AFF4: variants seen among roughly 807,000 people sequenced by gnomAD.
AFF4 encodes ALF transcription elongation factor 4.
In AFF4, 13 loss-of-function variants were observed where a neutral mutation model predicts 124.8. The observed-to-expected ratio is 0.10, with a 90% confidence interval of 0.07 to 0.17. The LOEUF (loss-of-function observed/expected upper bound fraction) is 0.17. Among genes scored for constraint, AFF4 ranks in the 10% least tolerant of loss-of-function variants. The pLI, the probability that AFF4 is intolerant of heterozygous loss-of-function variation, is 1.00. For synonymous variants in AFF4, 477 were observed against 496.1 expected, an observed-to-expected ratio of 0.96 and a Z score of 0.51; for missense variants, 1,092 against 1,403.8, an observed-to-expected ratio of 0.78 and a Z score of 3.55.
At chr5:132,903,634 C>T (rs1471926969) in intron 6 of AFF4, among the ~76,000 whole-genome samples, 2 of 152,108 alleles carry the variant, frequency 1.3e-5, no homozygotes, top group Non-Finnish European at 2.9e-5. Flanking sequence ...GTATAGCAGG[C>T]AGCAGATTTT....
chr5:132,904,259 A>T, intron 6 of AFF4, 109 bp downstream of exon 6: 4 of 969,444 alleles, frequency 4.1e-6, no homozygotes, highest in Admixed American at 2.5e-5. Flanking sequence ...AAAATGAAAA[A>T]GGATATGACA....
intron 1 of AFF4, among the ~76,000 whole-genome samples, chr5:132,960,618 C>T (rs887319838): frequency 5.9e-5 from 9 of 152,206 alleles, no homozygotes; most frequent in African/African-American, 2.2e-4. Flanking sequence ...TCTTCTGAAA[C>T]TGACAGGTTT....
Position 132,963,575 on chromosome 5 carries a change from G to C in AFF4, c.-321C>G, listed in dbSNP as rs1581347764. On this transcript the variant is annotated 5_prime_UTR_variant, in exon 1 of 21. Coordinates refer to ENST00000265343, the MANE Select transcript of AFF4 (RefSeq NM_014423.4). ...ACGAAGACCTGGCACCAGGATCCCC[G>C]CCCCGTCCGCTGGCGGCGGCGACGG... The C allele has an allele frequency of 5.0e-6, 2 of 397,856 alleles. No individual in the cohort carries two copies. The highest frequency in any genetic ancestry group is 8.9e-6 in the Non-Finnish European group (2 of 225,578). 24.6% of individuals were successfully genotyped at this position (397,856 alleles called of 1,614,324 possible).
Position 132,879,446 on chromosome 5 carries a change from T to G in AFF4, c.*1613A>C, listed in dbSNP as rs1364496086. 1 of 204,390 alleles carries G rather than the reference T, an allele frequency of 4.9e-6. No homozygotes were observed. Among genetic ancestry groups the G allele is most frequent in the Non-Finnish European group, 1.0e-5 (1 of 99,682 alleles). 12.7% of individuals were successfully genotyped at this position (204,390 alleles called of 1,614,324 possible). ...TTCAAAGCAGCATTACCCAACTGGT[T>G]AGACTAAGTCATGTACCAAAGCAAT... On this transcript the variant is annotated 3_prime_UTR_variant, in exon 21 of 21. Coordinates refer to ENST00000265343, the MANE Select transcript of AFF4 (RefSeq NM_014423.4).
intron 1 of AFF4, among the ~76,000 whole-genome samples, chr5:132,954,176 G>T (rs913541083): frequency 1.3e-5 from 2 of 152,178 alleles, no homozygotes; most frequent in Non-Finnish European, 2.9e-5. Context: ...ATTTTTCCAT[G>T]GATGGACAGG....
At chr5:132,901,194 A>G in intron 7 of AFF4, 2 of 975,590 alleles carry the variant, frequency 2.1e-6, no homozygotes, top group Non-Finnish European at 2.4e-6. Context: ...TGGCAGCTCA[A>G]TGAACTTGTT....
chr5:132,940,810 T>C (rs1176330940), intron 1 of AFF4, among the ~76,000 whole-genome samples: 1 of 152,070 alleles, frequency 6.6e-6, no homozygotes, highest in Non-Finnish European at 1.5e-5. Context: ...GCGGATGACC[T>C]GAGGTCAAGA....
intron 5 of AFF4, among the ~76,000 whole-genome samples, chr5:132,912,436 C>G (rs926285269): frequency 6.6e-6 from 1 of 152,248 alleles, no homozygotes; most frequent in South Asian, 2.1e-4. Flanking sequence ...TGATGGCTCA[C>G]TGCAGCCAAG....
intron 18 of AFF4, among the ~76,000 whole-genome samples, chr5:132,885,341 G>A (rs147666328): frequency 1.3e-5 from 2 of 151,886 alleles, no homozygotes; most frequent in African/African-American, 4.8e-5. Context: ...TCACAGAAGA[G>A]GCAAGGAAAT....
At chr5:132,941,124 AT>A (rs916528084) in intron 1 of AFF4, among the ~76,000 whole-genome samples, 2 of 151,244 alleles carry the variant, frequency 1.3e-5, no homozygotes, top group Admixed American at 6.6e-5. Flanking sequence ...TATTGGTTCG[AT>A]TTTTTTTGCC....
chr5:132,947,474 A>G (rs937253121), intron 1 of AFF4, among the ~76,000 whole-genome samples: 5 of 152,208 alleles, frequency 3.3e-5, no homozygotes, highest in South Asian at 4.1e-4. Flanking sequence ...GGAGGTCAGA[A>G]TTTGTTACAA....
At chr5:132,922,688 G>A (rs891533393) in intron 5 of AFF4, among the ~76,000 whole-genome samples, 9 of 149,108 alleles carry the variant, frequency 6.0e-5, no homozygotes, top group Admixed American at 1.4e-4. Flanking sequence ...GCTGAAGCAG[G>A]AGAATTGCTT....
chr5:132,949,301 C>T (rs2150109375), intron 1 of AFF4, among the ~76,000 whole-genome samples: 1 of 150,410 alleles, frequency 6.6e-6, no homozygotes, highest in East Asian at 2.0e-4. Flanking sequence ...CCTGCCACAG[C>T]CTTCAGAGTA....
At chr5:132,919,034 C>T (rs115765259) in intron 5 of AFF4, among the ~76,000 whole-genome samples, 2,302 of 152,098 alleles carry the variant, frequency 0.015, 65 homozygotes, top group East Asian at 0.13. Context: ...GTGTGCACCA[C>T]CATGCCCCGT....
intron 1 of AFF4, among the ~76,000 whole-genome samples, chr5:132,954,632 C>T (rs1370609018): frequency 1.3e-5 from 2 of 148,412 alleles, no homozygotes; most frequent in African/African-American, 5.0e-5. Flanking sequence ...ACTGCAAGCT[C>T]CGCCTCCCGG....
chr5:132,949,700 A>ACACACACACG, intron 1 of AFF4, among the ~76,000 whole-genome samples: 1 of 146,700 alleles, frequency 6.8e-6, no homozygotes, highest in East Asian at 2.1e-4. Flanking sequence ...ACACACACAC[A>ACACACACACG]CGCGCGCGCG....
chr5:132,886,479 T>C (rs1760122218), intron 17 of AFF4, 76 bp from the exon 18 acceptor site: 1 of 1,337,394 alleles, frequency 7.5e-7, no homozygotes, highest in Non-Finnish European at 1.1e-6. Flanking sequence ...GCCTTTGCAT[T>C]GTGCAGGAGA....
chr5:132,963,626 G>C lies in AFF4; in HGVS notation c.-372C>G, dbSNP rs1176716484. On this transcript the variant is annotated 5_prime_UTR_variant, in exon 1 of 21. Transcript: ENST00000265343. ...CAGCTGGACTCCTGCAGCCAGGGCT[G>C]TGACTGACGCAGCGGCCGTGCCACC... The C allele has an allele frequency of 2.5e-6, 1 of 396,904 alleles. No individual in the cohort carries two copies. The highest frequency in any genetic ancestry group is 4.4e-5 in the Admixed American group (1 of 22,666). 24.6% of individuals were successfully genotyped at this position (396,904 alleles called of 1,614,324 possible).
chr5:132,893,042 G>C lies in AFF4; in HGVS notation c.2384C>G (p.Ser795Cys), dbSNP rs777470314. The C allele has an allele frequency of 1.2e-6, 2 of 1,614,028 alleles. No homozygotes were observed. The highest frequency in any genetic ancestry group is 1.1e-5 in the South Asian group (1 of 91,082). Residue 795 changes from serine (S) to cysteine (C), a missense_variant, in exon 12 of 21, where the codon TCC (serine) becomes TGC (cysteine). Around this residue, in one of 11 missense-constraint regions of AFF4, gnomAD observed 293 missense variants for 280.2 expected, o/e 1.05. Transcript: ENST00000265343. ...TTTGGGAACGTACTCTCTGTTGCTG[G>C]ATGGCTTATGGCCTGCTGAATTCTT... is the stretch of plus-strand genomic sequence containing the variant. ...EDKNSAGHKP[S>C]SNRESSKQSA...
Sources: allele counts gnomAD v4.1 joint callset (sites outside exome capture counted in the v4.1 genomes callset), GRCh38; gene constraint gnomAD v4.1.1; regional missense constraint gnomAD v4.1.1; transcripts MANE v1.5; gene names NCBI Gene and HGNC (gene_info 2026-07-23, HGNC 2026-07-21).